CPSF2: variants seen among roughly 807,000 people sequenced by gnomAD.
The protein encoded by CPSF2 is cleavage and polyadenylation specificity factor subunit 2.
Under a neutral mutation model 84.2 loss-of-function variants are expected in CPSF2, and 51 were observed. The ratio of observed to expected loss-of-function variants is 0.61; its 90% CI spans 0.48 to 0.77. CPSF2 has a LOEUF of 0.77. Among genes scored for constraint, CPSF2 ranks in the 30% least tolerant of loss-of-function variants. The pLI is 0.00. For missense variants in CPSF2, 641 were observed against 929.4 expected, an observed-to-expected ratio of 0.69 and a Z score of 4.03; for synonymous variants, 286 against 311.9, an observed-to-expected ratio of 0.92 and a Z score of 0.87.
At position 92,159,940 on chromosome 14, in the gene CPSF2, A is replaced by G. The variant is rs561277522; in HGVS notation, c.2121+658A>G. Among the ~76,000 whole-genome samples, 4 of 150,646 alleles carry G rather than the reference A, an allele frequency of 2.7e-5. No individual in the cohort carries two copies. In the East Asian group the frequency reaches 8.0e-4, roughly 30 times the overall value. ...CAGTCAGGAGATTTATAGTTTTCTA[A>G]GAAAGTCATACTGTTTTTTTTTTGT... On this transcript the variant is annotated intron_variant, in intron 14 of 15. Coordinates refer to ENST00000298875, the MANE Select transcript of CPSF2 (RefSeq NM_017437.3).
chr14:92,152,959 T>C (rs1470404407), intron 9 of CPSF2, among the ~76,000 whole-genome samples: 3 of 151,996 alleles, frequency 2.0e-5, no homozygotes, highest in Non-Finnish European at 4.4e-5. Context: ...AGTTTTTTAC[T>C]ACTATAAGCA....
chr14:92,129,009 A>G (rs2068881270), intron 2 of CPSF2, among the ~76,000 whole-genome samples: 1 of 152,166 alleles, frequency 6.6e-6, no homozygotes, highest in Non-Finnish European at 1.5e-5. Context: ...GGAAATGTGG[A>G]AGACTAATAG....
intron 7 of CPSF2, among the ~76,000 whole-genome samples, chr14:92,139,615 T>C (rs1383679295): frequency 2.7e-5 from 4 of 149,760 alleles, no homozygotes. Context: ...CTCGGCTCAC[T>C]GCAACCTTCA....
chr14:92,148,785 A>AG lies in CPSF2; in HGVS notation c.1140+5491_1140+5492insG, dbSNP rs1159284630. Among the ~76,000 whole-genome samples the AG allele has an allele frequency of 2.7e-5, 4 of 150,104 alleles. No individual in the cohort carries two copies. The East Asian group carries it at 7.8e-4, about 29-fold the overall frequency. On this transcript the variant is annotated intron_variant, in intron 9 of 15. Coordinates refer to ENST00000298875, the MANE Select transcript of CPSF2 (RefSeq NM_017437.3). ...AGGCCTCTTCTCAAAAAAAAAAAAA[A>AG]AAGAAAGAAATGTATATATATATAT...
intron 3 of CPSF2, among the ~76,000 whole-genome samples, chr14:92,133,338 G>C (rs553983997): frequency 1.1e-4 from 17 of 151,724 alleles, no homozygotes; most frequent in African/African-American, 4.1e-4. Context: ...AGAATCGCTT[G>C]AACCTGGGAG....
intron 9 of CPSF2, among the ~76,000 whole-genome samples, chr14:92,147,191 C>T (rs2069154761): frequency 6.6e-6 from 1 of 152,142 alleles, no homozygotes; most frequent in Non-Finnish European, 1.5e-5. Context: ...AGTGAGTGCA[C>T]TGGTTGAATT....
At chr14:92,131,848 T>A (rs59389644) in intron 3 of CPSF2, among the ~76,000 whole-genome samples, 23,772 of 150,270 alleles carry the variant, frequency 0.16, 2,094 homozygotes, top group East Asian at 0.4. Flanking sequence ...AAAAAAAAAA[T>A]AAGATAAAAT....
Position 92,166,248 on chromosome 14 carries a change from C to CA in CPSF2, c.*4505dup, listed in dbSNP as rs1400274459. 3.9e-5 allele frequency: 6 copies of CA among 152,216 alleles called. No homozygotes were observed. The highest frequency in any genetic ancestry group is 1.4e-4 in the African/African-American group (6 of 41,548). The allele number at this position is 152,216 out of a possible 1,614,324, so 9.4% of individuals were successfully genotyped here. On this transcript the variant is annotated 3_prime_UTR_variant, in exon 16 of 16. Coordinates refer to ENST00000298875, the MANE Select transcript of CPSF2 (RefSeq NM_017437.3). ...TTTTCTATCTAAAAAACCATTGCTT[C>CA]ATCTAAAGTCATGAAGATTTACACT...
rs1256638567 is a variant in CPSF2 at position 92,167,801 on chromosome 14, A to G, written c.*6057A>G. On this transcript the variant is annotated 3_prime_UTR_variant, in exon 16 of 16. Coordinates refer to ENST00000298875, the MANE Select transcript of CPSF2 (RefSeq NM_017437.3). The stretch of plus-strand genomic sequence containing the variant: ...TAAGAGTCTAGAGTTTTATCAGAAG[A>G]TTATTGTCCTTTAAAATATTGATGG... 1 of 151,494 alleles carries G rather than the reference A, an allele frequency of 6.6e-6. No individual in the cohort carries two copies. The highest frequency in any genetic ancestry group is 1.9e-4 in the East Asian group (1 of 5,158). The allele number at this position is 151,494 out of a possible 1,614,324, so 9.4% of individuals were successfully genotyped here. A position where few individuals can be genotyped will look rare whatever the true frequency, so the allele number is the denominator to read the frequency against.
In CPSF2 at chr14:92,134,424, A is replaced by G. The variant is rs1033577194; in HGVS notation, c.415+69A>G. Reference sequence around the variant, plus strand: ...TAACTTGCTGGAAAATACCGAGGAGAATTCAGAGAGAAAATTATAGGCATT... The same window carrying G: ...TAACTTGCTGGAAAATACCGAGGAGGATTCAGAGAGAAAATTATAGGCATT... On this transcript the variant is annotated intron_variant, in intron 5 of 15. Coordinates refer to ENST00000298875, the MANE Select transcript of CPSF2 (RefSeq NM_017437.3). The G allele has an allele frequency of 3.6e-5, 39 of 1,082,190 alleles. No individual in the cohort carries two copies. In the Admixed American group the frequency reaches 8.5e-4, roughly 24 times the overall value. The allele number at this position is 1,082,190 out of a possible 1,614,324, so 67.0% of individuals were successfully genotyped here.
intron 1 of CPSF2, among the ~76,000 whole-genome samples, chr14:92,123,638 A>C (rs888894956): frequency 6.6e-6 from 1 of 152,160 alleles, no homozygotes; most frequent in Non-Finnish European, 1.5e-5. Context: ...AGCTCAAGTG[A>C]TCTGCCCTCC....
At chr14:92,134,740 T>C (rs1006034661) in intron 5 of CPSF2, among the ~76,000 whole-genome samples, 21 of 152,230 alleles carry the variant, frequency 1.4e-4, no homozygotes, top group Non-Finnish European at 2.1e-4. Context: ...GCAGAGTAGA[T>C]AATGAATTCT....
chr14:92,122,191 C>T, intron 1 of CPSF2, 63 bp downstream of exon 1: 1 of 321,972 alleles, frequency 3.1e-6, no homozygotes, highest in Non-Finnish European at 6.0e-6. Flanking sequence ...ATTGGCCCTC[C>T]GGGAGCACGG....
At chr14:92,149,804 TGCCACCAC>T (rs2069188770) in intron 9 of CPSF2, among the ~76,000 whole-genome samples, 1 of 151,904 alleles carries the variant, frequency 6.6e-6, no homozygotes, top group Admixed American at 6.6e-5. Flanking sequence ...TACAGGTGTG[TGCCACCAC>T]GCCTGGCTGA....
At chr14:92,161,328 G>C (rs1345197613) in intron 15 of CPSF2, 82 bp downstream of exon 15, 1 of 1,451,860 alleles carries the variant, frequency 6.9e-7, no homozygotes. Flanking sequence ...TTCTTGTTTG[G>C]TATTTTCACA....
intron 1 of CPSF2, among the ~76,000 whole-genome samples, chr14:92,122,837 CCTTT>C (rs1185052521): frequency 2.0e-5 from 3 of 151,446 alleles, no homozygotes; most frequent in East Asian, 1.9e-4. Context: ...CCCTTTAACC[CCTTT>C]CTTTTTTCTT....
rs901802248 is a variant in CPSF2 at position 92,170,257 on chromosome 14, A to G, written c.*8513A>G. On this transcript the variant is annotated 3_prime_UTR_variant, in exon 16 of 16. Coordinates refer to ENST00000298875, the MANE Select transcript of CPSF2 (RefSeq NM_017437.3). ...TAGAATAGTTCAAAAGATCCTGTAT[A>G]TCCTTCCCCTAGATTCTTCTATTGT... 2 of 152,308 alleles carry G rather than the reference A, an allele frequency of 1.3e-5. No individual in the cohort carries two copies. The highest frequency in any genetic ancestry group is 3.9e-4 in the East Asian group (2 of 5,182). 9.4% of individuals were successfully genotyped at this position (152,308 alleles called of 1,614,324 possible). A position where few individuals can be genotyped will look rare whatever the true frequency, so the allele number is the denominator to read the frequency against.
chr14:92,133,516 G>A (rs1353353249), intron 3 of CPSF2, among the ~76,000 whole-genome samples: 1 of 152,116 alleles, frequency 6.6e-6, no homozygotes, highest in African/African-American at 2.4e-5. Flanking sequence ...ACCCAGACTG[G>A]AGTGCAGTGG....
rs906897107 is a variant in CPSF2 at position 92,166,062 on chromosome 14, A to C, written c.*4318A>C. 1 of 151,548 alleles carries C rather than the reference A, an allele frequency of 6.6e-6. No homozygotes were observed. Among genetic ancestry groups the C allele is most frequent in the Admixed American group, 6.6e-5 (1 of 15,208 alleles). 9.4% of individuals were successfully genotyped at this position (151,548 alleles called of 1,614,324 possible). A position where few individuals can be genotyped will look rare whatever the true frequency, so the allele number is the denominator to read the frequency against. ...TTTTTAGTAAAGACATGGTTTTGCC[A>C]TGTTGGCCAGGCTGGTCCTGAACTC... On this transcript the variant is annotated 3_prime_UTR_variant, in exon 16 of 16. Coordinates refer to ENST00000298875, the MANE Select transcript of CPSF2 (RefSeq NM_017437.3).
Sources: allele counts gnomAD v4.1 joint callset (sites outside exome capture counted in the v4.1 genomes callset), GRCh38; gene constraint gnomAD v4.1.1; transcripts MANE v1.5; gene names NCBI Gene and HGNC (gene_info 2026-07-23, HGNC 2026-07-21).